SLIT3: variants seen among roughly 807,000 people sequenced by gnomAD.
SLIT3 encodes the protein slit guidance ligand 3, also known as slit homolog 3 protein.
SLIT3 carries 68 observed loss-of-function variants against 184.0 expected under a neutral mutation model. That is an observed-to-expected ratio of 0.37 (90% CI 0.30 to 0.45). The LOEUF (loss-of-function observed/expected upper bound fraction) is 0.45. SLIT3 is among the 20% of genes least tolerant of loss of function. The probability of loss-of-function intolerance (pLI) is 1.00; values close to 1 mark genes in which losing one functional copy is unlikely to be tolerated. For synonymous variants in SLIT3, 831 were observed against 828.6 expected, an observed-to-expected ratio of 1.00 and a Z score of -0.05; for missense variants, 1,707 against 2,026.0, an observed-to-expected ratio of 0.84 and a Z score of 3.02.
rs1461441565 is a variant in SLIT3, at chr5:169,134,036, A to G, written c.413+59443T>C. 7.9e-5 allele frequency among the ~76,000 whole-genome samples: 12 copies of G among 152,346 alleles called. 1 individual carries two copies. The South Asian group carries it at 2.3e-3, about 29-fold the overall frequency. On this transcript the variant is annotated intron_variant, in intron 4 of 35. Coordinates refer to ENST00000519560, the MANE Select transcript of SLIT3 (RefSeq NM_003062.4). ...CCTAAGATGCAAATGTTTCATTAAT[A>G]ATGCAGGTTTTCTAAATGTGCAAAG...
At chr5:169,255,965 T>C (rs1201610372) in intron 1 of SLIT3, among the ~76,000 whole-genome samples, 1 of 152,202 alleles carries the variant, frequency 6.6e-6, no homozygotes, top group Admixed American at 6.5e-5. Context: ...AAGTGTACAG[T>C]GTTTGTCAAG....
chr5:168,922,823 C>T (rs1038288471), intron 4 of SLIT3, among the ~76,000 whole-genome samples: 1 of 152,186 alleles, frequency 6.6e-6, no homozygotes, highest in Admixed American at 6.5e-5. Flanking sequence ...CAGCTAGGGC[C>T]AGGTGCTTGT....
At chr5:168,773,368 T>C (rs1246422160) in intron 13 of SLIT3, among the ~76,000 whole-genome samples, 1 of 152,128 alleles carries the variant, frequency 6.6e-6, no homozygotes, top group Non-Finnish European at 1.5e-5. Context: ...GGGTGTTCCA[T>C]ATATAGTAGC....
intron 3 of SLIT3, among the ~76,000 whole-genome samples, chr5:169,203,857 C>A (rs1489788635): frequency 1.3e-5 from 2 of 151,822 alleles, no homozygotes; most frequent in African/African-American, 4.8e-5. Context: ...TGGGGGAAGA[C>A]TGTGGGTAGA....
intron 4 of SLIT3, among the ~76,000 whole-genome samples, chr5:169,046,545 C>T (rs1054906610): frequency 4.6e-5 from 7 of 152,202 alleles, no homozygotes; most frequent in Non-Finnish European, 7.3e-5. Context: ...CAGATCAGAA[C>T]TGAGAGGTAA....
chr5:169,256,622 G>T (rs1455516543), intron 1 of SLIT3, among the ~76,000 whole-genome samples: 1 of 152,154 alleles, frequency 6.6e-6, no homozygotes, highest in Non-Finnish European at 1.5e-5. Context: ...TAACAATAGA[G>T]AGGTGGAACA....
intron 4 of SLIT3, among the ~76,000 whole-genome samples, chr5:169,090,132 C>G (rs151190251): frequency 6.6e-6 from 1 of 152,020 alleles, no homozygotes; most frequent in African/African-American, 2.4e-5. Flanking sequence ...ATAAAGGGAA[C>G]GGGTGATGTT....
At chr5:169,053,724 C>T (rs542850414) in intron 4 of SLIT3, among the ~76,000 whole-genome samples, 1 of 151,612 alleles carries the variant, frequency 6.6e-6, no homozygotes, top group African/African-American at 2.4e-5. Context: ...CTCCCTGTTA[C>T]AGGTGAATTA....
intron 5 of SLIT3, among the ~76,000 whole-genome samples, chr5:168,878,336 G>T (rs1759815218): frequency 6.6e-6 from 1 of 152,186 alleles, no homozygotes; most frequent in African/African-American, 2.4e-5. Context: ...GTCTGGAGGG[G>T]CAGGCGTCCA....
chr5:169,189,435 A>C (rs1408010200), intron 4 of SLIT3, among the ~76,000 whole-genome samples: 1 of 151,146 alleles, frequency 6.6e-6, no homozygotes, highest in Non-Finnish European at 1.5e-5. Context: ...TTAGAAATAG[A>C]TTTAATGATT....
chr5:168,803,203 T>G (rs899860127), intron 9 of SLIT3, among the ~76,000 whole-genome samples: 2 of 152,262 alleles, frequency 1.3e-5, no homozygotes, highest in Non-Finnish European at 2.9e-5. Flanking sequence ...ACACAGAGAC[T>G]ACTCTGTCTT....
intron 26 of SLIT3, chr5:168,707,061 C>G (rs1762392923): frequency 6.6e-6 from 1 of 152,182 alleles, no homozygotes; most frequent in African/African-American, 2.4e-5. Flanking sequence ...TCCAGTGAAG[C>G]CCAAGGAAGG....
intron 4 of SLIT3, among the ~76,000 whole-genome samples, chr5:168,993,354 T>C (rs1755397409): frequency 6.6e-6 from 1 of 152,182 alleles, no homozygotes; most frequent in Non-Finnish European, 1.5e-5. Flanking sequence ...GTCCAGGCCA[T>C]GCCCATGGCA....
intron 4 of SLIT3, among the ~76,000 whole-genome samples, chr5:168,930,727 G>A (rs772290164): frequency 2.0e-5 from 3 of 151,974 alleles, no homozygotes; most frequent in Admixed American, 1.3e-4. Flanking sequence ...CCTGGAGAGC[G>A]CTTGGCAGCT....
chr5:169,058,601 T>C (rs1188665959), intron 4 of SLIT3, among the ~76,000 whole-genome samples: 2 of 152,220 alleles, frequency 1.3e-5, no homozygotes, highest in Non-Finnish European at 2.9e-5. Flanking sequence ...GTTTTAAATA[T>C]TGAGATCATG....
chr5:169,156,389 C>G (rs976207764), intron 4 of SLIT3, among the ~76,000 whole-genome samples: 1 of 152,204 alleles, frequency 6.6e-6, no homozygotes, highest in Admixed American at 6.5e-5. Flanking sequence ...TGAAGCATTC[C>G]CTAATTGATC....
chr5:169,159,460 G>A (rs1762404568), intron 4 of SLIT3, among the ~76,000 whole-genome samples: 1 of 151,272 alleles, frequency 6.6e-6, no homozygotes, highest in Non-Finnish European at 1.5e-5. Flanking sequence ...GCAAAAAACA[G>A]AGACTGGTAG....
chr5:168,921,233 T>TA (rs34342305), intron 4 of SLIT3, among the ~76,000 whole-genome samples: 3 of 152,146 alleles, frequency 2.0e-5, no homozygotes, highest in Admixed American at 6.5e-5. Flanking sequence ...CCCAGCCTTC[T>TA]AAAAAAATGC....
intron 4 of SLIT3, among the ~76,000 whole-genome samples, chr5:169,089,364 G>A (rs555819613): frequency 4.6e-5 from 7 of 152,244 alleles, no homozygotes; most frequent in Non-Finnish European, 7.4e-5. Context: ...ACTTCACCAC[G>A]TGCTACTTCA....
Sources: gnomAD v4.1 joint callset for allele counts (sites outside exome capture counted in the v4.1 genomes callset) on GRCh38, gnomAD v4.1.1 for gene constraint, MANE v1.5 for transcripts, NCBI Gene and HGNC (gene_info 2026-07-23, HGNC 2026-07-21) for gene names.